Variants in CNTNAP2 observed in about 807,000 individuals in gnomAD.
CNTNAP2 encodes the protein contactin associated protein 2, also known as contactin-associated protein-like 2.
In CNTNAP2, 98 loss-of-function variants were observed where a neutral mutation model predicts 155.2. The observed-to-expected ratio is 0.63, with a 90% CI of 0.54 to 0.75. The LOEUF is 0.75. Ranked by LOEUF, CNTNAP2 falls within the 30% of genes least tolerant of loss-of-function variation. The pLI is 0.00. For missense variants in CNTNAP2, 1,727 were observed against 1,688.1 expected, an observed-to-expected ratio of 1.02 and a Z score of -0.40; for synonymous variants, 651 against 631.2, an observed-to-expected ratio of 1.03 and a Z score of -0.47.
chr7:148,266,758 A>C (rs1796677489), intron 20 of CNTNAP2, among the ~76,000 whole-genome samples: 1 of 152,210 alleles, frequency 6.6e-6, no homozygotes, highest in Non-Finnish European at 1.5e-5. Context: ...CATGGATCTT[A>C]ATCCTGTAGG....
At chr7:148,021,293 C>T (rs1056620470) in intron 15 of CNTNAP2, among the ~76,000 whole-genome samples, 1 of 152,000 alleles carries the variant, frequency 6.6e-6, no homozygotes, top group Non-Finnish European at 1.5e-5. Flanking sequence ...ATTAGGGACA[C>T]GGAAGAACAA....
chr7:146,933,261 C>T lies in CNTNAP2; in HGVS notation c.402+93357C>T, dbSNP rs1201107360. ...AGAGATATAGATCAATGGAACAGAA[C>T]AGAGCCCTCAGAAATAATGTCGCAT... On this transcript the variant is annotated intron_variant, in intron 3 of 23. Transcript: ENST00000361727. Among the ~76,000 whole-genome samples, 3 of 152,016 alleles carry T rather than the reference C, an allele frequency of 2.0e-5. 1 individual carries two copies. Among genetic ancestry groups the T allele is most frequent in the South Asian group, 4.1e-4 (2 of 4,824 alleles).
At chr7:146,448,407 T>G (rs1014437074) in intron 1 of CNTNAP2, among the ~76,000 whole-genome samples, 1 of 152,082 alleles carries the variant, frequency 6.6e-6, no homozygotes, top group South Asian at 2.1e-4. Context: ...TTTTTTAACT[T>G]TTTAAAGTTA....
chr7:147,401,711 G>C (rs1796916809), intron 10 of CNTNAP2, among the ~76,000 whole-genome samples: 1 of 152,118 alleles, frequency 6.6e-6, no homozygotes, highest in African/African-American at 2.4e-5. Flanking sequence ...TCTCATGATA[G>C]TGAGTGAGTT....
At chr7:146,903,756 A>G (rs1796054143) in intron 3 of CNTNAP2, among the ~76,000 whole-genome samples, 2 of 152,184 alleles carry the variant, frequency 1.3e-5, no homozygotes, top group Non-Finnish European at 2.9e-5. Flanking sequence ...ATCAAAGGTT[A>G]CAAAGATTCA....
At chr7:147,944,467 G>A (rs2116819957) in intron 14 of CNTNAP2, among the ~76,000 whole-genome samples, 1 of 152,278 alleles carries the variant, frequency 6.6e-6, no homozygotes, top group Non-Finnish European at 1.5e-5. Context: ...CTTCTCACAA[G>A]ACCATCTGCC....
chr7:147,820,786 T>A (rs1798348833), intron 13 of CNTNAP2, among the ~76,000 whole-genome samples: 1 of 152,154 alleles, frequency 6.6e-6, no homozygotes. Flanking sequence ...CTTAATGAAT[T>A]CCCTAGGAAC....
rs555001493 is a variant in CNTNAP2, at chr7:147,370,808, C to A, written c.1499-24801C>A. Among the ~76,000 whole-genome samples, 4 of 152,186 alleles carry A rather than the reference C, an allele frequency of 2.6e-5. No homozygotes were observed. In the East Asian group the frequency reaches 5.8e-4, roughly 22 times the overall value. On this transcript the variant is annotated intron_variant, in intron 9 of 23. Coordinates refer to ENST00000361727, the MANE Select transcript of CNTNAP2 (RefSeq NM_014141.6). ...TGAATTTGATTTTAGTAGAGAGAAT[C>A]ACTTATTTTTTTAATTAGAAATTAA...
At chr7:146,529,782 T>C (rs1013626652) in intron 1 of CNTNAP2, among the ~76,000 whole-genome samples, 8 of 151,940 alleles carry the variant, frequency 5.3e-5, no homozygotes, top group Non-Finnish European at 1.0e-4. Flanking sequence ...CTGGCCAACA[T>C]GGTGAAACCC....
intron 15 of CNTNAP2, among the ~76,000 whole-genome samples, chr7:148,106,012 C>G (rs181385861): frequency 1.2e-3 from 185 of 152,286 alleles, no homozygotes; most frequent in African/African-American, 4.3e-3. Flanking sequence ...AATGCAGAGC[C>G]AAGGCAGCAG....
At chr7:146,232,353 C>T (rs1584815428) in intron 1 of CNTNAP2, among the ~76,000 whole-genome samples, 1 of 151,472 alleles carries the variant, frequency 6.6e-6, no homozygotes, top group East Asian at 1.9e-4. Context: ...CTATATTTTT[C>T]ATGACATAGT....
At chr7:148,342,500 A>G (rs367796122) in intron 21 of CNTNAP2, among the ~76,000 whole-genome samples, 8 of 152,230 alleles carry the variant, frequency 5.3e-5, no homozygotes, top group East Asian at 1.9e-4. Flanking sequence ...AACAGCCTCC[A>G]TTGTCATCCA....
chr7:148,258,329 A>C (rs1433527789), intron 20 of CNTNAP2, among the ~76,000 whole-genome samples: 1 of 152,142 alleles, frequency 6.6e-6, no homozygotes, highest in East Asian at 1.9e-4. Flanking sequence ...GGAGAGTCAC[A>C]CCTAATCCTA....
At chr7:147,500,094 T>TAAAA (rs58019031) in intron 11 of CNTNAP2, among the ~76,000 whole-genome samples, 21 of 151,444 alleles carry the variant, frequency 1.4e-4, no homozygotes, top group Admixed American at 2.6e-4. Context: ...GATTTTTTTT[T>TAAAA]AAAAAAACTG....
chr7:146,556,125 T>G (rs1482207684), intron 1 of CNTNAP2, among the ~76,000 whole-genome samples: 1 of 152,212 alleles, frequency 6.6e-6, no homozygotes, highest in Non-Finnish European at 1.5e-5. Context: ...ATGGAATATT[T>G]CATGGTTATA....
chr7:147,893,468 T>A (rs992018027), intron 13 of CNTNAP2, among the ~76,000 whole-genome samples: 1 of 152,168 alleles, frequency 6.6e-6, no homozygotes, highest in Non-Finnish European at 1.5e-5. Context: ...CCTCTTTGTT[T>A]CTTTATAGAT....
intron 1 of CNTNAP2, among the ~76,000 whole-genome samples, chr7:146,360,878 CA>C (rs1187947221): frequency 1.3e-5 from 2 of 152,156 alleles, no homozygotes; most frequent in African/African-American, 2.4e-5. Flanking sequence ...CAGTCACTGA[CA>C]TGAAACAGTG....
intron 3 of CNTNAP2, among the ~76,000 whole-genome samples, chr7:146,941,003 T>C (rs1160816079): frequency 1.3e-5 from 2 of 152,150 alleles, no homozygotes; most frequent in Non-Finnish European, 2.9e-5. Context: ...AGTTTCTATT[T>C]GCATGAGACA....
At chr7:146,849,468 C>G (rs1222130971) in intron 3 of CNTNAP2, among the ~76,000 whole-genome samples, 1 of 152,146 alleles carries the variant, frequency 6.6e-6, no homozygotes, top group Non-Finnish European at 1.5e-5. Flanking sequence ...ATTGAAAATA[C>G]TATTGAATAC....
Sources: allele counts gnomAD v4.1 joint callset (sites outside exome capture counted in the v4.1 genomes callset), GRCh38; gene constraint gnomAD v4.1.1; transcripts MANE v1.5; gene names NCBI Gene and HGNC (gene_info 2026-07-23, HGNC 2026-07-21).